Variants in DCDC1 observed in about 807,000 individuals in gnomAD.
The protein encoded by DCDC1 is doublecortin domain-containing protein 1.
DCDC1 carries 200 observed loss-of-function variants against 178.3 expected under a neutral mutation model. The ratio of observed to expected loss-of-function variants is 1.12; its 90% CI spans 1.00 to 1.26. The LOEUF (loss-of-function observed/expected upper bound fraction) is 1.26, where lower values mean the gene tolerates loss of function less well. Ranked by LOEUF, DCDC1 falls within the 50% of genes most tolerant of loss-of-function variation. DCDC1 has a pLI of 0.00. For synonymous variants in DCDC1, 690 were observed against 604.8 expected, an observed-to-expected ratio of 1.14 and a Z score of -2.07; for missense variants, 1,983 against 1,749.2, an observed-to-expected ratio of 1.13 and a Z score of -2.38.
intron 20 of DCDC1, among the ~76,000 whole-genome samples, chr11:31,025,230 C>T (rs542425828): frequency 6.6e-6 from 1 of 151,748 alleles, no homozygotes; most frequent in African/African-American, 2.4e-5. Context: ...TATAAGGTTA[C>T]TTCTATTATA....
intron 11 of DCDC1, among the ~76,000 whole-genome samples, chr11:31,115,414 C>T (rs930316220): frequency 2.0e-5 from 3 of 152,136 alleles, no homozygotes; most frequent in Non-Finnish European, 4.4e-5. Context: ...CTCTTCTGTG[C>T]GTGAGCAGAA....
At chr11:31,355,418 C>T (rs12287520) in intron 1 of DCDC1, among the ~76,000 whole-genome samples, 3 of 152,088 alleles carry the variant, frequency 2.0e-5, no homozygotes, top group Non-Finnish European at 4.4e-5. Context: ...CAGCTACCTA[C>T]GAACCAGGAG....
intron 20 of DCDC1, among the ~76,000 whole-genome samples, chr11:31,008,096 A>C (rs555974980): frequency 2.0e-5 from 3 of 152,352 alleles, no homozygotes; most frequent in Non-Finnish European, 4.4e-5. Flanking sequence ...GCAATGGTTA[A>C]AAGCAAAGCA....
At chr11:31,043,176 T>C (rs1248585917) in intron 20 of DCDC1, among the ~76,000 whole-genome samples, 1 of 152,092 alleles carries the variant, frequency 6.6e-6, no homozygotes, top group Non-Finnish European at 1.5e-5. Flanking sequence ...TACAGGAAAA[T>C]ATGAGGCCAC....
chr11:31,212,879 T>G (rs1203308355), intron 9 of DCDC1, among the ~76,000 whole-genome samples: 2 of 152,144 alleles, frequency 1.3e-5, no homozygotes, highest in African/African-American at 4.8e-5. Flanking sequence ...TAATAGAAAT[T>G]GGAAGAAACC....
At chr11:31,267,930 G>A (rs1945279923) in intron 7 of DCDC1, among the ~76,000 whole-genome samples, 1 of 152,134 alleles carries the variant, frequency 6.6e-6, no homozygotes, top group South Asian at 2.1e-4. Context: ...AAAGTAAAAT[G>A]GATCACTTTC....
chr11:31,068,855 ATTT>A (rs201114514), intron 18 of DCDC1, among the ~76,000 whole-genome samples: 2 of 145,210 alleles, frequency 1.4e-5, no homozygotes, highest in Admixed American at 6.9e-5. Context: ...TCATTAATGT[ATTT>A]TTTTTTTTTT....
At chr11:30,980,805 T>C (rs1266416356) in intron 20 of DCDC1, among the ~76,000 whole-genome samples, 1 of 152,114 alleles carries the variant, frequency 6.6e-6, no homozygotes, top group African/African-American at 2.4e-5. Context: ...GGGCCTCTCC[T>C]AGAAGAACTA....
chr11:30,989,567 C>T (rs1000120476), intron 20 of DCDC1, among the ~76,000 whole-genome samples: 11 of 152,144 alleles, frequency 7.2e-5, no homozygotes, highest in Admixed American at 5.2e-4. Flanking sequence ...ATTTAAAGTA[C>T]ATTTAACTAG....
chr11:30,957,163 A>G (rs1402245403), intron 20 of DCDC1, among the ~76,000 whole-genome samples: 1 of 152,080 alleles, frequency 6.6e-6, no homozygotes, highest in Non-Finnish European at 1.5e-5. Context: ...CTCATCTAGG[A>G]CTTTGCTCCT....
At chr11:31,186,351 G>A (rs1299696386) in intron 9 of DCDC1, among the ~76,000 whole-genome samples, 2 of 152,124 alleles carry the variant, frequency 1.3e-5, no homozygotes, top group Non-Finnish European at 2.9e-5. Flanking sequence ...TTATCTTTCA[G>A]GTTTTAGCTG....
rs1044641477 is a variant in DCDC1, at chr11:31,245,299, T to C, written c.1055-3683A>G. On this transcript the variant is annotated intron_variant, in intron 8 of 38. Transcript: ENST00000684477. ...AACCTTTTGGAGTTTGAAGTCACGA[T>C]ATTTTTTAGTTTAGTGAAAGCAGTG... 6.6e-5 allele frequency among the ~76,000 whole-genome samples: 10 copies of C among 151,618 alleles called. No homozygotes were observed. In the Admixed American group the frequency reaches 6.6e-4, roughly 10 times the overall value.
intron 7 of DCDC1, chr11:31,280,552 A>C (rs371954484): frequency 5.9e-5 from 17 of 288,646 alleles, no homozygotes; most frequent in East Asian, 3.9e-4. Context: ...CCAACAAAAT[A>C]TTCTGTCAGT....
rs550944195 is a variant in DCDC1, at chr11:31,276,097, T to C, written c.961-10497A>G. Among the ~76,000 whole-genome samples, 3 of 152,336 alleles carry C rather than the reference T, an allele frequency of 2.0e-5. No individual in the cohort carries two copies. The South Asian group carries it at 6.2e-4, about 32-fold the overall frequency. ...TCTGGATTTCTTCCTTCCTTTTTGC[T>C]TAAGTCTGTTTGAATCAGGAATCTG... On this transcript the variant is annotated intron_variant, in intron 7 of 38. Transcript: ENST00000684477.
At chr11:31,240,816 A>C (rs1354652570) in intron 9 of DCDC1, among the ~76,000 whole-genome samples, 1 of 152,076 alleles carries the variant, frequency 6.6e-6, no homozygotes, top group Non-Finnish European at 1.5e-5. Context: ...ATCCTACTTT[A>C]AGATAAATCA....
intron 8 of DCDC1, among the ~76,000 whole-genome samples, chr11:31,258,687 C>G (rs2137049538): frequency 6.6e-6 from 1 of 152,260 alleles, no homozygotes. Flanking sequence ...CTCAGAAACA[C>G]AAATAGCTGC....
At chr11:30,891,382 C>G (rs933321076) in intron 36 of DCDC1, among the ~76,000 whole-genome samples, 2 of 151,974 alleles carry the variant, frequency 1.3e-5, no homozygotes, top group African/African-American at 2.4e-5. Flanking sequence ...AAAAGTCATC[C>G]CCCAGTTAGA....
chr11:30,904,644 A>G (rs1944932385), intron 31 of DCDC1: 1 of 315,614 alleles, frequency 3.2e-6, no homozygotes, highest in South Asian at 4.8e-5. Flanking sequence ...CATGAGAAAC[A>G]AGGCAGAAAA....
At chr11:30,899,305 T>C (rs1944478917) in intron 34 of DCDC1, among the ~76,000 whole-genome samples, 1 of 152,120 alleles carries the variant, frequency 6.6e-6, no homozygotes, top group South Asian at 2.1e-4. Flanking sequence ...TTAAGACGTA[T>C]GCATAAGTCA....
Sources: gnomAD v4.1 joint callset for allele counts (sites outside exome capture counted in the v4.1 genomes callset) on GRCh38, gnomAD v4.1.1 for gene constraint, MANE v1.5 for transcripts, NCBI Gene and HGNC (gene_info 2026-07-23, HGNC 2026-07-21) for gene names.